Variants in DPP10 observed in about 807,000 individuals in gnomAD.
DPP10 encodes inactive dipeptidyl peptidase 10.
A neutral mutation model predicts 120.9 loss-of-function variants in DPP10; 33 were observed. The observed-to-expected ratio is 0.27, with a 90% CI of 0.21 to 0.37. The LOEUF is 0.37. Ranked by LOEUF, DPP10 falls within the 10% of genes least tolerant of loss-of-function variation. The pLI, the probability that DPP10 is intolerant of heterozygous loss-of-function variation, is 1.00. For synonymous variants in DPP10, 337 were observed against 326.1 expected, an observed-to-expected ratio of 1.03 and a Z score of -0.36; for missense variants, 816 against 942.8, an observed-to-expected ratio of 0.87 and a Z score of 1.76.
chr2:115,241,415 C>T (rs2058273121), intron 1 of DPP10, among the ~76,000 whole-genome samples: 1 of 152,206 alleles, frequency 6.6e-6, no homozygotes, highest in African/African-American at 2.4e-5. Context: ...TACTCTTTCT[C>T]TGCAAAAGCA....
intron 1 of DPP10, among the ~76,000 whole-genome samples, chr2:115,032,777 C>T (rs1268358677): frequency 6.6e-6 from 1 of 150,754 alleles, no homozygotes; most frequent in African/African-American, 2.4e-5. Flanking sequence ...CCCAGCTACT[C>T]GGGAGGCTGA....
At chr2:115,167,196 G>T (rs934053936) in intron 1 of DPP10, among the ~76,000 whole-genome samples, 1 of 151,272 alleles carries the variant, frequency 6.6e-6, no homozygotes, top group Non-Finnish European at 1.5e-5. Context: ...TTTGAATAAG[G>T]TCTGACTCAT....
At chr2:115,494,134 G>T (rs1175506926) in intron 3 of DPP10, among the ~76,000 whole-genome samples, 2 of 151,894 alleles carry the variant, frequency 1.3e-5, no homozygotes, top group African/African-American at 2.4e-5. Flanking sequence ...TAGTAGAGAC[G>T]GGGTTTCACC....
At chr2:115,285,013 C>T (rs968620726) in intron 1 of DPP10, among the ~76,000 whole-genome samples, 1 of 151,938 alleles carries the variant, frequency 6.6e-6, no homozygotes, top group South Asian at 2.1e-4. Context: ...ATTCATTGCA[C>T]GTTCATATAA....
chr2:115,689,624 A>T, intron 5 of DPP10, 63 bp from the exon 6 acceptor site: 1 of 1,062,798 alleles, frequency 9.4e-7, no homozygotes, highest in Non-Finnish European at 1.3e-6. Flanking sequence ...TACTAAGAAT[A>T]TATATACATA....
intron 13 of DPP10, among the ~76,000 whole-genome samples, chr2:115,770,064 A>G (rs1220437644): frequency 6.6e-6 from 1 of 152,100 alleles, no homozygotes; most frequent in Non-Finnish European, 1.5e-5. Flanking sequence ...CCCAAAGAAG[A>G]CAATCTATCC....
chr2:115,024,637 A>C (rs1559006450), intron 1 of DPP10, among the ~76,000 whole-genome samples: 1 of 150,394 alleles, frequency 6.6e-6, no homozygotes, highest in East Asian at 1.9e-4. Context: ...ATATATGTAC[A>C]TATACATACA....
At chr2:115,080,026 C>CT (rs1264415902) in intron 1 of DPP10, among the ~76,000 whole-genome samples, 11 of 151,386 alleles carry the variant, frequency 7.3e-5, no homozygotes, top group South Asian at 6.3e-4. Context: ...CCTTGTATAT[C>CT]TTTTTTTTTA....
intron 1 of DPP10, among the ~76,000 whole-genome samples, chr2:114,841,950 C>A (rs1248058956): frequency 6.6e-6 from 1 of 152,090 alleles, no homozygotes; most frequent in East Asian, 1.9e-4. Flanking sequence ...ACAGTTGTAC[C>A]ACTTCCTTAG....
At chr2:115,501,531 T>C (rs2076684717) in intron 4 of DPP10, among the ~76,000 whole-genome samples, 2 of 152,102 alleles carry the variant, frequency 1.3e-5, no homozygotes, top group South Asian at 4.1e-4. Context: ...TACCACAGGG[T>C]CATATTTAGC....
intron 1 of DPP10, among the ~76,000 whole-genome samples, chr2:114,600,927 GGAA>G (rs1309829997): frequency 6.6e-6 from 1 of 151,718 alleles, no homozygotes; most frequent in Non-Finnish European, 1.5e-5. Flanking sequence ...AAGAAAGAGA[GGAA>G]GAAGAAACAG....
At chr2:114,721,507 C>A (rs1176011548) in intron 1 of DPP10, among the ~76,000 whole-genome samples, 1 of 152,204 alleles carries the variant, frequency 6.6e-6, no homozygotes, top group Non-Finnish European at 1.5e-5. Flanking sequence ...TGCAAAGAAG[C>A]ATAACTGACT....
chr2:115,161,356 T>A (rs6719261), intron 1 of DPP10: 2 of 152,196 alleles, frequency 1.3e-5, no homozygotes, highest in African/African-American at 4.8e-5. Flanking sequence ...AGCCACCCAG[T>A]GCTTCGCACG....
At chr2:114,718,155 C>G (rs530907698) in intron 1 of DPP10, among the ~76,000 whole-genome samples, 2 of 151,924 alleles carry the variant, frequency 1.3e-5, no homozygotes, top group Non-Finnish European at 2.9e-5. Context: ...TATTACATCT[C>G]TCTATAATAG....
chr2:115,637,685 T>C (rs1331968634), intron 5 of DPP10, among the ~76,000 whole-genome samples: 1 of 152,180 alleles, frequency 6.6e-6, no homozygotes, highest in African/African-American at 2.4e-5. Flanking sequence ...AGCCCCGAAA[T>C]AGAACATGTT....
intron 13 of DPP10, among the ~76,000 whole-genome samples, chr2:115,770,082 T>C (rs1303713297): frequency 6.6e-6 from 1 of 152,122 alleles, no homozygotes; most frequent in Non-Finnish European, 1.5e-5. Flanking sequence ...TCCTTGACTG[T>C]AGGTACCCTG....
intron 1 of DPP10, among the ~76,000 whole-genome samples, chr2:114,792,473 A>C (rs1271170570): frequency 6.6e-6 from 1 of 152,228 alleles, no homozygotes. Flanking sequence ...TCTACAAAAA[A>C]TAGTTAACAC....
chr2:115,372,291 A>C (rs1167910580), intron 3 of DPP10, among the ~76,000 whole-genome samples: 3 of 152,274 alleles, frequency 2.0e-5, no homozygotes, highest in Middle Eastern at 6.8e-3. Flanking sequence ...AGATATGAAC[A>C]AGTGATTTCT....
chr2:115,221,912 G>A (rs2057191517), intron 1 of DPP10, among the ~76,000 whole-genome samples: 1 of 152,018 alleles, frequency 6.6e-6, no homozygotes, highest in African/African-American at 2.4e-5. Flanking sequence ...TGCCTGAACT[G>A]TTCATTTGGA....
Sources: gnomAD v4.1 joint callset for allele counts (sites outside exome capture counted in the v4.1 genomes callset) on GRCh38, gnomAD v4.1.1 for gene constraint, MANE v1.5 for transcripts, NCBI Gene and HGNC (gene_info 2026-07-23, HGNC 2026-07-21) for gene names.